Variants in PCDH9 observed in about 807,000 individuals in gnomAD.
PCDH9 encodes protocadherin-9.
In PCDH9, 24 loss-of-function variants were observed where a neutral mutation model predicts 70.6. The ratio of observed to expected loss-of-function variants is 0.34; its 90% confidence interval spans 0.25 to 0.48. PCDH9 has a LOEUF of 0.48. Ranked by LOEUF, PCDH9 falls within the 20% of genes least tolerant of loss-of-function variation. The probability of loss-of-function intolerance (pLI) is 0.99; values close to 1 mark genes in which losing one functional copy is unlikely to be tolerated. For synonymous variants in PCDH9, 562 were observed against 558.5 expected, an observed-to-expected ratio of 1.01 and a Z score of -0.09; for missense variants, 1,281 against 1,503.6, an observed-to-expected ratio of 0.85 and a Z score of 2.45.
rs186449843 is a variant in PCDH9, at chr13:66,415,734, T to C, written c.3341-110706A>G. Among the ~76,000 whole-genome samples the C allele has an allele frequency of 2.4e-4, 36 of 151,616 alleles. 1 individual carries two copies. The highest frequency in any genetic ancestry group is 6.8e-4 in the African/African-American group (28 of 41,468). ...GTCAAGAAAACAAAATAGAGACATG[T>C]AAAATAAGAGAAAAAAATCATAGGA... On this transcript the variant is annotated intron_variant, in intron 4 of 4. Transcript: ENST00000377865.
chr13:67,222,119 T>A (rs1201681551), intron 2 of PCDH9: 3 of 152,088 alleles, frequency 2.0e-5, no homozygotes, highest in Non-Finnish European at 4.4e-5. Context: ...TAAAACAATA[T>A]CTGTCAACAA....
At chr13:66,849,503 TATATATATATATATAGAGAGAG>T (rs2081274557) in intron 3 of PCDH9, among the ~76,000 whole-genome samples, 1 of 92,758 alleles carries the variant, frequency 1.1e-5, no homozygotes, top group Non-Finnish European at 2.1e-5. Context: ...TATATATATA[TATATATATATATATAGAGAGAG>T]AGAGAGAGAG....
At chr13:67,130,621 G>A (rs1327751278) in intron 2 of PCDH9, among the ~76,000 whole-genome samples, 3 of 152,050 alleles carry the variant, frequency 2.0e-5, no homozygotes, top group African/African-American at 7.2e-5. Context: ...TTGCTGGACA[G>A]AGGTCCAAGA....
intron 2 of PCDH9, among the ~76,000 whole-genome samples, chr13:67,150,041 ATTTAT>A (rs1219223621): frequency 2.6e-5 from 4 of 152,168 alleles, no homozygotes; most frequent in South Asian, 4.1e-4. Context: ...TTTGAGTTTT[ATTTAT>A]TTTATTTTTA....
intron 3 of PCDH9, among the ~76,000 whole-genome samples, chr13:66,858,744 T>C (rs1362926347): frequency 6.6e-6 from 1 of 152,220 alleles, no homozygotes; most frequent in Non-Finnish European, 1.5e-5. Flanking sequence ...ACGAATTTAA[T>C]AATAAATTAA....
chr13:67,036,680 G>A (rs17791062), intron 2 of PCDH9, among the ~76,000 whole-genome samples: 39,390 of 152,042 alleles, frequency 0.26, 5,452 homozygotes, highest in East Asian at 0.33. Flanking sequence ...AGGAGATTCC[G>A]ATAAAATATA....
chr13:66,494,660 AT>A (rs1262987913), intron 4 of PCDH9, among the ~76,000 whole-genome samples: 1 of 152,172 alleles, frequency 6.6e-6, no homozygotes, highest in African/African-American at 2.4e-5. Context: ...CCTTTAAGGT[AT>A]GTACATTTTA....
At chr13:67,106,874 G>A (rs1256538833) in intron 2 of PCDH9, among the ~76,000 whole-genome samples, 1 of 152,210 alleles carries the variant, frequency 6.6e-6, no homozygotes, top group East Asian at 1.9e-4. Context: ...ACACAGCCCT[G>A]TGTGTGGGCA....
Position 67,130,546 on chromosome 13 carries a change from CCCTGCCTAACCA to C in PCDH9, c.3036+94847_3036+94858del, listed in dbSNP as rs549280307. Among the ~76,000 whole-genome samples, 62 of 152,120 alleles carry C rather than the reference CCCTGCCTAACCA, an allele frequency of 4.1e-4. No homozygotes were observed. The East Asian group carries it at 0.012, about 29-fold the overall frequency. On this transcript the variant is annotated intron_variant, in intron 2 of 4. Transcript: ENST00000377865. ...ACAGGGGTTCGGGCCATGAGAAACA[CCCTGCCTAACCA>C]CCTGACCACAGGGTGGACAAAGGCC...
intron 3 of PCDH9, among the ~76,000 whole-genome samples, chr13:66,755,230 T>C (rs2079521899): frequency 6.6e-6 from 1 of 152,196 alleles, no homozygotes. Context: ...CACAATATTC[T>C]TATGAGGCAG....
chr13:67,079,012 A>C (rs1309478892), intron 2 of PCDH9, among the ~76,000 whole-genome samples: 3 of 152,072 alleles, frequency 2.0e-5, no homozygotes, highest in African/African-American at 7.2e-5. Context: ...GGGTGGTTAA[A>C]GAAGTTCACA....
intron 2 of PCDH9, among the ~76,000 whole-genome samples, chr13:67,085,290 C>G (rs2086084740): frequency 6.6e-6 from 1 of 151,124 alleles, no homozygotes; most frequent in African/African-American, 2.4e-5. Context: ...TTTATAATCT[C>G]TACAGGAAGC....
At chr13:67,224,730 CTTTT>C (rs200944675) in intron 2 of PCDH9, 371 of 526,492 alleles carry the variant, frequency 7.0e-4, no homozygotes, top group East Asian at 2.1e-3. Context: ...AGCAAGCATT[CTTTT>C]TTTTTTTTTT....
chr13:66,966,968 C>T (rs577510809), intron 2 of PCDH9, among the ~76,000 whole-genome samples: 2 of 151,878 alleles, frequency 1.3e-5, no homozygotes, highest in Non-Finnish European at 2.9e-5. Flanking sequence ...AGTCTGACTC[C>T]CAAATATATG....
intron 3 of PCDH9, among the ~76,000 whole-genome samples, chr13:66,840,916 G>A (rs2081106397): frequency 6.6e-6 from 1 of 152,318 alleles, no homozygotes; most frequent in East Asian, 1.9e-4. Flanking sequence ...TAATTAGAGA[G>A]AGATGAAGTC....
At chr13:66,748,390 A>G (rs1248954346) in intron 3 of PCDH9, among the ~76,000 whole-genome samples, 1 of 152,214 alleles carries the variant, frequency 6.6e-6, no homozygotes, top group Non-Finnish European at 1.5e-5. Flanking sequence ...CAGTAGTTAA[A>G]CCACACCAAA....
At chr13:66,569,576 T>C (rs191497771) in intron 4 of PCDH9, among the ~76,000 whole-genome samples, 2 of 152,304 alleles carry the variant, frequency 1.3e-5, no homozygotes, top group East Asian at 3.9e-4. Context: ...ACATAATTTT[T>C]AGGATACCAT....
At chr13:67,174,410 T>C (rs2088389190) in intron 2 of PCDH9, among the ~76,000 whole-genome samples, 1 of 152,092 alleles carries the variant, frequency 6.6e-6, no homozygotes, top group Non-Finnish European at 1.5e-5. Context: ...GAAAGCTCAG[T>C]TAAGAAGTCT....
chr13:67,210,275 A>G (rs1308878835), intron 2 of PCDH9: 1 of 152,046 alleles, frequency 6.6e-6, no homozygotes, highest in Non-Finnish European at 1.5e-5. Flanking sequence ...CAAGAGAAAA[A>G]AGTTAATTTT....
Sources: allele counts gnomAD v4.1 joint callset (sites outside exome capture counted in the v4.1 genomes callset), GRCh38; gene constraint gnomAD v4.1.1; transcripts MANE v1.5; gene names NCBI Gene and HGNC (gene_info 2026-07-23, HGNC 2026-07-21).